The following UNC5D variants were observed in gnomAD, a reference collection of about 807,000 sequenced individuals.
UNC5D encodes unc-5 netrin receptor D.
A neutral mutation model predicts 105.4 loss-of-function variants in UNC5D; 39 were observed. That is an observed-to-expected ratio of 0.37 (90% CI 0.29 to 0.48). The LOEUF is 0.48. UNC5D is among the 20% of genes least tolerant of loss of function. The pLI is 0.98. For missense variants in UNC5D, 991 were observed against 1,202.4 expected (o/e 0.82, Z 2.60); for synonymous variants, 452 against 450.4 (o/e 1.00, Z -0.04).
chr8:35,486,612 C>T (rs1810839483), intron 1 of UNC5D, among the ~76,000 whole-genome samples: 1 of 152,102 alleles, frequency 6.6e-6, no homozygotes, highest in African/African-American at 2.4e-5. Context: ...AAAGCCTGTG[C>T]TAGCCAGACT....
intron 1 of UNC5D, among the ~76,000 whole-genome samples, chr8:35,425,057 G>T (rs914489470): frequency 1.3e-5 from 2 of 152,072 alleles, no homozygotes; most frequent in Non-Finnish European, 2.9e-5. Flanking sequence ...AGGGGGGAGG[G>T]ATAGCATTAG....
chr8:35,672,322 AG>A (rs1824864998), intron 4 of UNC5D, among the ~76,000 whole-genome samples: 1 of 152,146 alleles, frequency 6.6e-6, no homozygotes, highest in Admixed American at 6.6e-5. Flanking sequence ...TAATGGAGGG[AG>A]GGGGTAAATG....
chr8:35,512,569 A>ATATATATATATATACATATC (rs539399345), intron 1 of UNC5D, among the ~76,000 whole-genome samples: 1 of 64,840 alleles, frequency 1.5e-5, no homozygotes, highest in Non-Finnish European at 2.6e-5. Flanking sequence ...ATATATATAT[A>ATATATATATATATACATATC]TCTGAATAGA....
intron 4 of UNC5D, among the ~76,000 whole-genome samples, chr8:35,608,410 C>T (rs1820453403): frequency 6.6e-6 from 1 of 152,142 alleles, no homozygotes; most frequent in Admixed American, 6.5e-5. Flanking sequence ...CCTTAGCAAA[C>T]ATTTATTTTT....
At position 35,538,719 on chromosome 8, in the gene UNC5D, G is replaced by T. The variant is rs144577599; in HGVS notation, c.104-10573G>T. ...ATCAATGGGGTTTAGTGATGAATTCGATATAGGGGCTGAATGGGAGAAAAG... is the reference window on the plus strand; with the variant it reads ...ATCAATGGGGTTTAGTGATGAATTCTATATAGGGGCTGAATGGGAGAAAAG... On this transcript the variant is annotated intron_variant, in intron 1 of 16. Transcript: ENST00000404895. 3.6e-3 allele frequency among the ~76,000 whole-genome samples: 552 copies of T among 151,916 alleles called. 7 individuals carry two copies. Among genetic ancestry groups the T allele is most frequent in the African/African-American group, 0.013 (526 of 41,450 alleles).
At chr8:35,309,702 T>C (rs1808726184) in intron 1 of UNC5D, among the ~76,000 whole-genome samples, 1 of 152,184 alleles carries the variant, frequency 6.6e-6, no homozygotes, top group Admixed American at 6.5e-5. Context: ...TACTGTTTAT[T>C]ACCTAGTAAT....
intron 2 of UNC5D, among the ~76,000 whole-genome samples, chr8:35,559,497 A>G (rs1296946147): frequency 1.3e-5 from 2 of 152,238 alleles, no homozygotes; most frequent in Admixed American, 1.3e-4. Flanking sequence ...ACTGGCTGGA[A>G]ACAGTAACCA....
chr8:35,546,597 C>T (rs777630929), intron 1 of UNC5D, among the ~76,000 whole-genome samples: 35 of 152,274 alleles, frequency 2.3e-4, no homozygotes, highest in Non-Finnish European at 4.0e-4. Context: ...TTAGACAGAA[C>T]TAAAGCCCCT....
At chr8:35,341,762 C>A (rs2128902637) in intron 1 of UNC5D, among the ~76,000 whole-genome samples, 1 of 152,124 alleles carries the variant, frequency 6.6e-6, no homozygotes, top group Non-Finnish European at 1.5e-5. Context: ...AATAGTGAAA[C>A]ATGCAGCAAC....
chr8:35,509,374 A>C (rs1050402453), intron 1 of UNC5D, among the ~76,000 whole-genome samples: 1 of 150,838 alleles, frequency 6.6e-6, no homozygotes, highest in African/African-American at 2.4e-5. Flanking sequence ...GCCAGGACCA[A>C]GAAGCAGCAA....
chr8:35,607,004 C>G (rs1020347316), intron 4 of UNC5D, among the ~76,000 whole-genome samples: 16 of 152,172 alleles, frequency 1.1e-4, no homozygotes, highest in African/African-American at 3.9e-4. Context: ...TTTACACATC[C>G]CTACCTGTTT....
At chr8:35,758,074 C>T (rs1391131371) in intron 13 of UNC5D, among the ~76,000 whole-genome samples, 2 of 152,112 alleles carry the variant, frequency 1.3e-5, no homozygotes, top group African/African-American at 4.8e-5. Flanking sequence ...CAACACTGAC[C>T]CTTGGGCCCC....
intron 14 of UNC5D, among the ~76,000 whole-genome samples, chr8:35,763,395 T>A (rs1586607108): frequency 6.7e-6 from 1 of 148,212 alleles, no homozygotes; most frequent in African/African-American, 2.6e-5. Flanking sequence ...ATACAGAGAA[T>A]TTAGCAAATG....
At chr8:35,675,919 G>A (rs1404950162) in intron 4 of UNC5D, among the ~76,000 whole-genome samples, 1 of 151,454 alleles carries the variant, frequency 6.6e-6, no homozygotes, top group Admixed American at 6.6e-5. Flanking sequence ...ATACATACTA[G>A]ATGTCTTTAA....
chr8:35,638,484 A>T (rs1156380340), intron 4 of UNC5D, among the ~76,000 whole-genome samples: 1 of 151,950 alleles, frequency 6.6e-6, no homozygotes, highest in Non-Finnish European at 1.5e-5. Flanking sequence ...GCCCTCTAAC[A>T]AGATAAGGAT....
chr8:35,513,203 C>G (rs373046949), intron 1 of UNC5D, among the ~76,000 whole-genome samples: 1 of 150,178 alleles, frequency 6.7e-6, no homozygotes, highest in East Asian at 2.0e-4. Context: ...CTCCTTTGCC[C>G]TTTGCCTTCT....
chr8:35,361,737 AC>A (rs1331685328), intron 1 of UNC5D, among the ~76,000 whole-genome samples: 2 of 152,118 alleles, frequency 1.3e-5, no homozygotes, highest in Non-Finnish European at 2.9e-5. Context: ...AGTCTTGTCC[AC>A]CATTTTCAAT....
At chr8:35,325,724 G>A (rs1473158766) in intron 1 of UNC5D, among the ~76,000 whole-genome samples, 1 of 152,170 alleles carries the variant, frequency 6.6e-6, no homozygotes, top group African/African-American at 2.4e-5. Flanking sequence ...AGACTTCAAG[G>A]AAGGCATGAT....
intron 1 of UNC5D, among the ~76,000 whole-genome samples, chr8:35,437,179 T>C (rs1304485600): frequency 3.3e-5 from 5 of 152,038 alleles, no homozygotes; most frequent in Non-Finnish European, 5.9e-5. Context: ...GCTCTCATGT[T>C]CTTTAGAATG....
Sources: gnomAD v4.1 joint callset for allele counts (sites outside exome capture counted in the v4.1 genomes callset) on GRCh38, gnomAD v4.1.1 for gene constraint, MANE v1.5 for transcripts, NCBI Gene and HGNC (gene_info 2026-07-23, HGNC 2026-07-21) for gene names.